The following SNRNP40 variants were observed in gnomAD, a reference collection of about 807,000 sequenced individuals.
SNRNP40 encodes U5 small nuclear ribonucleoprotein 40 kDa protein.
SNRNP40 carries 21 observed loss-of-function variants against 45.8 expected under a neutral mutation model. That is an observed-to-expected ratio of 0.46 (90% CI 0.32 to 0.66). The LOEUF (loss-of-function observed/expected upper bound fraction) is 0.66. SNRNP40 is among the 30% of genes least tolerant of loss of function. The pLI is 0.03. For synonymous variants in SNRNP40, 142 were observed against 163.8 expected (o/e 0.87, Z 1.01); for missense variants, 344 against 439.1 (o/e 0.78, Z 1.94).
At chr1:31,285,999 A>G (rs1646054558) in intron 4 of SNRNP40, among the ~76,000 whole-genome samples, 1 of 151,432 alleles carries the variant, frequency 6.6e-6, no homozygotes, top group Non-Finnish European at 1.5e-5. Flanking sequence ...AGCCTTGACA[A>G]GTACAAGGCT....
chr1:31,285,244 T>TTG (rs1448462560), intron 4 of SNRNP40, among the ~76,000 whole-genome samples: 6 of 149,194 alleles, frequency 4.0e-5, no homozygotes, highest in Non-Finnish European at 9.0e-5. Context: ...CTTATCACCT[T>TTG]TTTTTTTTTT....
At chr1:31,293,748 A>T (rs1646122713) in intron 1 of SNRNP40, among the ~76,000 whole-genome samples, 1 of 151,972 alleles carries the variant, frequency 6.6e-6, no homozygotes, top group South Asian at 2.1e-4. Context: ...TGCCATGCTA[A>T]TTTTTTTAGT....
chr1:31,267,832 A>G, intron 8 of SNRNP40, 39 bp downstream of exon 8: 1 of 1,534,760 alleles, frequency 6.5e-7, no homozygotes, highest in Non-Finnish European at 9.0e-7. Flanking sequence ...GCATCCGGCC[A>G]GCTACATCAT....
At chr1:31,288,468 G>A (rs1646077777) in intron 4 of SNRNP40, among the ~76,000 whole-genome samples, 1 of 152,158 alleles carries the variant, frequency 6.6e-6, no homozygotes, top group Non-Finnish European at 1.5e-5. Flanking sequence ...ATCACTTGAA[G>A]GACACATTAA....
intron 8 of SNRNP40, among the ~76,000 whole-genome samples, chr1:31,262,067 T>A (rs1458792530): frequency 6.6e-6 from 1 of 152,166 alleles, no homozygotes; most frequent in Admixed American, 6.5e-5. Context: ...AACTTTTTAG[T>A]ACTGTATTCA....
At chr1:31,271,658 A>AT (rs113021667) in intron 5 of SNRNP40, among the ~76,000 whole-genome samples, 159 bp from the exon 6 acceptor site, 115,314 of 150,264 alleles carry the variant, frequency 0.77, 44,624 homozygotes, top group African/African-American at 0.8. Context: ...TTTAATTTTC[A>AT]TTTTTTTTTT....
chr1:31,259,780 A>C lies in SNRNP40; in HGVS notation c.*292T>G. ...CAAAAAAAAAAAAAAAATCCCAACC[A>C]ACAAATTTGTCACATTGGGCCTGCA... On this transcript the variant is annotated 3_prime_UTR_variant, in exon 10 of 10. Transcript: ENST00000263694. 2.2e-5 allele frequency: 12 copies of C among 554,354 alleles called. No homozygotes were observed. The highest frequency in any genetic ancestry group is 3.9e-5 in the East Asian group (1 of 25,468). The allele number at this position is 554,354 out of a possible 1,614,324, so 34.3% of individuals were successfully genotyped here.
At chr1:31,277,814 C>A (rs1645986520) in intron 5 of SNRNP40, among the ~76,000 whole-genome samples, 1 of 152,180 alleles carries the variant, frequency 6.6e-6, no homozygotes, top group Non-Finnish European at 1.5e-5. Context: ...TGTGCCTCAG[C>A]CTCTTGAGTA....
intron 2 of SNRNP40, among the ~76,000 whole-genome samples, chr1:31,292,376 A>T (rs550513064): frequency 2.0e-5 from 3 of 152,130 alleles, no homozygotes; most frequent in Non-Finnish European, 4.4e-5. Flanking sequence ...AAGCCAACCG[A>T]CCAACCAAAC....
At chr1:31,270,507 C>T (rs529307566) in intron 6 of SNRNP40, among the ~76,000 whole-genome samples, 3 of 152,116 alleles carry the variant, frequency 2.0e-5, no homozygotes, top group South Asian at 2.1e-4. Context: ...TAGCTATAGC[C>T]GTTGTAACTG....
chr1:31,271,181 C>T (rs948753237), intron 6 of SNRNP40, 198 bp downstream of exon 6: 1 of 503,818 alleles, frequency 2.0e-6, no homozygotes, highest in Non-Finnish European at 3.5e-6. Flanking sequence ...AATGTAGAAA[C>T]TGATGCCTAG....
chr1:31,290,661 A>T (rs535920772), intron 3 of SNRNP40, among the ~76,000 whole-genome samples: 5 of 151,624 alleles, frequency 3.3e-5, no homozygotes, highest in Non-Finnish European at 5.9e-5. Flanking sequence ...GCGGATCACA[A>T]GGTCAGGAGA....
chr1:31,263,214 T>C (rs1181369381), intron 8 of SNRNP40: 1 of 152,130 alleles, frequency 6.6e-6, no homozygotes, highest in Non-Finnish European at 1.5e-5. Flanking sequence ...TAACAGAAGA[T>C]GTCATAAAAA....
intron 5 of SNRNP40, among the ~76,000 whole-genome samples, chr1:31,272,273 G>A (rs1173644399): frequency 6.6e-6 from 1 of 152,056 alleles, no homozygotes; most frequent in Non-Finnish European, 1.5e-5. Flanking sequence ...ATATGTACAT[G>A]TATGGATATG....
chr1:31,279,440 A>T (rs1384771652), intron 5 of SNRNP40, among the ~76,000 whole-genome samples: 2 of 152,338 alleles, frequency 1.3e-5, no homozygotes, highest in East Asian at 3.9e-4. Flanking sequence ...TATCACCACC[A>T]CCATCATCAT....
intron 8 of SNRNP40, chr1:31,263,732 C>T: frequency 2.7e-6 from 1 of 365,542 alleles, no homozygotes; most frequent in Non-Finnish European, 5.2e-6. Flanking sequence ...GCCTTGATGT[C>T]CTGTGCTGAA....
chr1:31,295,349 A>AT (rs1646138270), intron 1 of SNRNP40, among the ~76,000 whole-genome samples: 10 of 103,758 alleles, frequency 9.6e-5, no homozygotes, highest in Admixed American at 7.8e-4. Context: ...AAACAAAAAA[A>AT]CAAAAAAAGA....
At chr1:31,272,650 G>A (rs147058333) in intron 5 of SNRNP40, among the ~76,000 whole-genome samples, 254 of 152,200 alleles carry the variant, frequency 1.7e-3, no homozygotes, top group African/African-American at 5.9e-3. Context: ...AGCATATGCC[G>A]GGCACAAGAC....
At chr1:31,291,832 G>T (rs1646109840) in intron 3 of SNRNP40, 81 bp downstream of exon 3, 2 of 968,984 alleles carry the variant, frequency 2.1e-6, no homozygotes, top group Admixed American at 3.6e-5. Context: ...TGATAGCAGG[G>T]TCTCCTGAGA....
Sources: gnomAD v4.1 joint callset for allele counts (sites outside exome capture counted in the v4.1 genomes callset) on GRCh38, gnomAD v4.1.1 for gene constraint, MANE v1.5 for transcripts, NCBI Gene and HGNC (gene_info 2026-07-23, HGNC 2026-07-21) for gene names.